Variants in FAM163A observed in about 807,000 individuals in gnomAD.
FAM163A encodes protein FAM163A.
A neutral mutation model predicts 12.0 loss-of-function variants in FAM163A; 7 were observed. The observed-to-expected ratio is 0.58, with a 90% CI of 0.33 to 1.10. FAM163A has a LOEUF of 1.10. FAM163A is among the 50% of genes least tolerant of loss of function. The probability of loss-of-function intolerance (pLI) is 0.03; values close to 1 mark genes in which losing one functional copy is unlikely to be tolerated. For missense variants in FAM163A, 202 were observed against 218.6 expected (o/e 0.92, Z 0.48); for synonymous variants, 101 against 91.0 (o/e 1.11, Z -0.62).
chr1:179,800,432 ATATT>A (rs1023300626), intron 1 of FAM163A, among the ~76,000 whole-genome samples: 3 of 152,188 alleles, frequency 2.0e-5, no homozygotes, highest in Non-Finnish European at 4.4e-5. Flanking sequence ...TCTGCAGCAA[ATATT>A]TATTTGTAAC....
intron 1 of FAM163A, among the ~76,000 whole-genome samples, chr1:179,802,512 T>A (rs1693320371): frequency 6.6e-6 from 1 of 152,220 alleles, no homozygotes; most frequent in Admixed American, 6.5e-5. Context: ...CCCGCCATCA[T>A]AAACAGCCCA....
intron 1 of FAM163A, among the ~76,000 whole-genome samples, chr1:179,754,081 T>A (rs1447504613): frequency 1.3e-5 from 2 of 152,144 alleles, no homozygotes; most frequent in African/African-American, 4.8e-5. Context: ...CGGAAGGACA[T>A]CTCTGTATCT....
chr1:179,761,265 G>A (rs1048971616), intron 1 of FAM163A, among the ~76,000 whole-genome samples: 2 of 152,100 alleles, frequency 1.3e-5, no homozygotes, highest in South Asian at 2.1e-4. Flanking sequence ...TATCTTTTAC[G>A]TAATTTAACA....
At chr1:179,778,915 G>C (rs1158579580) in intron 1 of FAM163A, among the ~76,000 whole-genome samples, 2 of 152,200 alleles carry the variant, frequency 1.3e-5, no homozygotes, top group African/African-American at 4.8e-5. Flanking sequence ...CTCCGAGCTA[G>C]ACTCACAGGG....
chr1:179,765,395 T>A (rs1200509888), intron 1 of FAM163A, among the ~76,000 whole-genome samples: 2 of 152,192 alleles, frequency 1.3e-5, no homozygotes, highest in Non-Finnish European at 2.9e-5. Context: ...TTGGGACCAC[T>A]CCATGGGCCA....
intron 1 of FAM163A, among the ~76,000 whole-genome samples, chr1:179,775,335 G>A (rs1224448129): frequency 6.6e-6 from 1 of 152,242 alleles, no homozygotes; most frequent in African/African-American, 2.4e-5. Flanking sequence ...CTATGCAAAC[G>A]AAGACTTAGT....
chr1:179,750,703 A>C (rs1314382335), intron 1 of FAM163A, among the ~76,000 whole-genome samples: 2 of 152,258 alleles, frequency 1.3e-5, no homozygotes, highest in Non-Finnish European at 1.5e-5. Context: ...TCACTGAAGT[A>C]CTTGAGCAGT....
intron 3 of FAM163A, among the ~76,000 whole-genome samples, chr1:179,812,733 A>G (rs1358268983): frequency 6.6e-6 from 1 of 152,224 alleles, no homozygotes; most frequent in Non-Finnish European, 1.5e-5. Context: ...CCACACAGGG[A>G]GGAGCCCCGC....
chr1:179,776,218 G>A (rs1320159208), intron 1 of FAM163A, among the ~76,000 whole-genome samples: 1 of 152,132 alleles, frequency 6.6e-6, no homozygotes, highest in Non-Finnish European at 1.5e-5. Flanking sequence ...TACTGGCCAG[G>A]TGCAGTGGCT....
chr1:179,730,220 CT>C, the FAM163A span: 1 of 152,256 alleles, frequency 6.6e-6, no homozygotes, highest in Non-Finnish European at 1.5e-5. Flanking sequence ...ATGCCACGTG[CT>C]GGCATCCATA....
chr1:179,811,444 G>T (rs896265889), intron 2 of FAM163A, among the ~76,000 whole-genome samples: 1 of 152,180 alleles, frequency 6.6e-6, no homozygotes, highest in Non-Finnish European at 1.5e-5. Flanking sequence ...CGTCCCATGG[G>T]CTTGTCAAAC....
At chr1:179,757,391 G>A (rs769831346) in intron 1 of FAM163A, among the ~76,000 whole-genome samples, 1 of 152,178 alleles carries the variant, frequency 6.6e-6, no homozygotes, top group Non-Finnish European at 1.5e-5. Context: ...GACATGGAGT[G>A]GAGAGAATGA....
upstream of FAM163A, among the ~76,000 whole-genome samples, chr1:179,741,304 G>A (rs190174849): frequency 5.1e-3 from 774 of 152,344 alleles, 9 homozygotes; most frequent in African/African-American, 0.018. Flanking sequence ...GCAAGGATGC[G>A]GAGCAATGGC....
At chr1:179,779,704 G>A (rs960171907) in intron 1 of FAM163A, among the ~76,000 whole-genome samples, 2 of 152,082 alleles carry the variant, frequency 1.3e-5, no homozygotes, top group African/African-American at 4.8e-5. Flanking sequence ...CTATCTTACT[G>A]TAGATAAACA....
chr1:179,772,149 G>C (rs1331067022), intron 1 of FAM163A, among the ~76,000 whole-genome samples: 1 of 152,040 alleles, frequency 6.6e-6, no homozygotes, highest in African/African-American at 2.4e-5. Context: ...CAACTCCTCC[G>C]GACTTTCTGT....
At chr1:179,761,188 G>A (rs1686768133) in intron 1 of FAM163A, among the ~76,000 whole-genome samples, 1 of 152,224 alleles carries the variant, frequency 6.6e-6, no homozygotes, top group Non-Finnish European at 1.5e-5. Flanking sequence ...TTGTGTGTAT[G>A]AGGGTATCGC....
At position 179,813,868 on chromosome 1, in the gene FAM163A, C is replaced by T. The variant is rs1410924556; in HGVS notation, c.183C>T (p.Thr61=). The change falls in exon 5 of 5, where the codon ACC becomes ACT. Residue 61 remains threonine (T), a synonymous_variant. Coordinates refer to ENST00000341785, the MANE Select transcript of FAM163A (RefSeq NM_173509.3). The stretch of plus-strand genomic sequence containing the variant: ...TTCCCACGCATCCCAGAGGCCCCAC[C>T]TGCAATGCCTGCAGCTCCCAAGCCC... ...HDLPTHPRGP[T]CNACSSQALD... 3.1e-6 allele frequency: 5 copies of T among 1,613,996 alleles called. No homozygotes were observed. The highest frequency in any genetic ancestry group is 4.2e-6 in the Non-Finnish European group (5 of 1,180,020).
the FAM163A span, among the ~76,000 whole-genome samples, chr1:179,737,477 G>A: frequency 6.6e-6 from 1 of 152,194 alleles, no homozygotes; most frequent in Non-Finnish European, 1.5e-5. Flanking sequence ...TGTGCACTTA[G>A]AAGTTTGTTC....
intron 1 of FAM163A, among the ~76,000 whole-genome samples, chr1:179,766,753 CTT>C (rs200988000): frequency 2.7e-5 from 4 of 145,830 alleles, no homozygotes; most frequent in Middle Eastern, 3.5e-3. Flanking sequence ...ACTTTTCTTT[CTT>C]TTTTTTTTTT....
Sources: allele counts gnomAD v4.1 joint callset (sites outside exome capture counted in the v4.1 genomes callset), GRCh38; gene constraint gnomAD v4.1.1; transcripts MANE v1.5; gene names NCBI Gene and HGNC (gene_info 2026-07-23, HGNC 2026-07-21).